MMP26: variants seen among roughly 807,000 people sequenced by gnomAD.
MMP26 encodes the protein matrix metallopeptidase 26, also known as matrix metalloproteinase-26.
In MMP26, 33 loss-of-function variants were observed where a neutral mutation model predicts 31.0. The observed-to-expected ratio is 1.06, with a 90% CI of 0.81 to 1.42. The LOEUF is 1.42. Among genes scored for constraint, MMP26 ranks in the 40% most tolerant of loss-of-function variants. The pLI, the probability that MMP26 is intolerant of heterozygous loss-of-function variation, is 0.00. For synonymous variants in MMP26, 122 were observed against 114.9 expected (o/e 1.06, Z -0.40); for missense variants, 347 against 316.1 (o/e 1.10, Z -0.74).
At chr11:4,805,719 C>T (rs1849258355) in intron 2 of MMP26, among the ~76,000 whole-genome samples, 1 of 152,180 alleles carries the variant, frequency 6.6e-6, no homozygotes, top group African/African-American at 2.4e-5. Context: ...TCTAAATACC[C>T]AGACAGAGCC....
Position 4,991,465 on chromosome 11 carries a change from C to T in MMP26, c.564C>T (p.Asp188=). The change falls in exon 6 of 8, where the codon GAC becomes GAT. Residue 188 remains aspartate (D), a synonymous_variant. Transcript: ENST00000380390. ...NSGNPGVVHF[D]KNEHWSASDT... ...GAAATCCTGGAGTTGTCCATTTTGACAAGAATGAACACTGGTCAGCTTCAG... is the reference window on the plus strand; with the variant it reads ...GAAATCCTGGAGTTGTCCATTTTGATAAGAATGAACACTGGTCAGCTTCAG... 1 of 1,613,938 alleles carries T rather than the reference C, an allele frequency of 6.2e-7. No homozygotes were observed. The highest frequency in any genetic ancestry group is 8.5e-7 in the Non-Finnish European group (1 of 1,179,858).
chr11:4,976,687 A>G (rs1251375921), intron 2 of MMP26, among the ~76,000 whole-genome samples: 2 of 152,046 alleles, frequency 1.3e-5, no homozygotes, highest in African/African-American at 4.8e-5. Context: ...AGAGGGATTA[A>G]AAAGCCCACA....
At chr11:4,982,085 C>T (rs549056057) in intron 2 of MMP26, among the ~76,000 whole-genome samples, 2 of 151,388 alleles carry the variant, frequency 1.3e-5, no homozygotes, top group South Asian at 2.1e-4. Flanking sequence ...TATATACACA[C>T]AATATACATA....
At chr11:4,934,352 T>G (rs1469775484) in intron 2 of MMP26, among the ~76,000 whole-genome samples, 1 of 133,094 alleles carries the variant, frequency 7.5e-6, no homozygotes, top group East Asian at 2.1e-4. Context: ...TCATGTGTTT[T>G]TTGGCTGCAT....
intron 2 of MMP26, among the ~76,000 whole-genome samples, chr11:4,897,479 G>A (rs1332582641): frequency 6.6e-6 from 1 of 151,920 alleles, no homozygotes; most frequent in Non-Finnish European, 1.5e-5. Flanking sequence ...TTTGTAATTG[G>A]GGTCATACTA....
rs529244561 is a variant in MMP26, at chr11:4,858,189, C to G, written c.-145+90848C>G. ...ACAAGACAGGGATGCCCTCTCACACCACTCCTATTCAACATAGTATTGGAA... is the reference window on the plus strand; with the variant it reads ...ACAAGACAGGGATGCCCTCTCACACGACTCCTATTCAACATAGTATTGGAA... On this transcript the variant is annotated intron_variant, in intron 2 of 7. Coordinates refer to ENST00000380390, the MANE Select transcript of MMP26 (RefSeq NM_021801.5). Among the ~76,000 whole-genome samples, 5 of 152,210 alleles carry G rather than the reference C, an allele frequency of 3.3e-5. No individual in the cohort carries two copies. In the East Asian group the frequency reaches 9.7e-4, roughly 29 times the overall value.
At chr11:4,734,451 T>C (rs1458982541) in intron 1 of MMP26, among the ~76,000 whole-genome samples, 3 of 152,124 alleles carry the variant, frequency 2.0e-5, no homozygotes, top group Admixed American at 2.0e-4. Context: ...TTCTTCCTTT[T>C]TTTCCTCAAT....
At chr11:4,897,833 T>A (rs7940525) in intron 2 of MMP26, among the ~76,000 whole-genome samples, 4,957 of 151,470 alleles carry the variant, frequency 0.033, 271 homozygotes, top group African/African-American at 0.11. Flanking sequence ...AGTACATGTT[T>A]CTACCTGTGT....
chr11:4,727,564 G>C (rs4506643), intron 1 of MMP26, among the ~76,000 whole-genome samples: 98,316 of 151,790 alleles, frequency 0.65, 33,450 homozygotes, highest in African/African-American at 0.87. Context: ...TATCCCAGCA[G>C]TTTGGAAGGC....
intron 2 of MMP26, among the ~76,000 whole-genome samples, chr11:4,837,831 T>C (rs1280762644): frequency 6.6e-6 from 1 of 152,074 alleles, no homozygotes. Flanking sequence ...AGTTTTCTGC[T>C]ACCCTAATTT....
intron 2 of MMP26, among the ~76,000 whole-genome samples, chr11:4,824,001 C>A (rs1849548009): frequency 6.6e-6 from 1 of 151,922 alleles, no homozygotes. Context: ...ATATAAGAGT[C>A]CTTAAAGAGT....
At chr11:4,851,531 C>A (rs961933790) in intron 2 of MMP26, among the ~76,000 whole-genome samples, 15 of 152,046 alleles carry the variant, frequency 9.9e-5, no homozygotes, top group African/African-American at 3.6e-4. Context: ...ACTCTATACA[C>A]GTTTTAGTTA....
intron 2 of MMP26, among the ~76,000 whole-genome samples, chr11:4,851,033 T>C (rs530606055): frequency 6.6e-6 from 1 of 151,976 alleles, no homozygotes; most frequent in African/African-American, 2.4e-5. Context: ...TGTGATGGAG[T>C]GAGGAGGCTA....
At chr11:4,983,387 T>C (rs1846842386) in intron 2 of MMP26, among the ~76,000 whole-genome samples, 1 of 152,236 alleles carries the variant, frequency 6.6e-6, no homozygotes, top group Admixed American at 6.5e-5. Flanking sequence ...CCAGAAGAGC[T>C]GCCAGTGTCA....
At chr11:4,935,448 G>C (rs915460962) in intron 2 of MMP26, among the ~76,000 whole-genome samples, 2 of 151,540 alleles carry the variant, frequency 1.3e-5, no homozygotes, top group South Asian at 2.1e-4. Context: ...CTTTGCTGAA[G>C]TTGCTTATCA....
intron 2 of MMP26, among the ~76,000 whole-genome samples, chr11:4,905,598 C>T (rs1028616301): frequency 6.6e-6 from 1 of 152,084 alleles, no homozygotes. Context: ...TTGTCTTCTT[C>T]TCTCTAGCCT....
intron 2 of MMP26, among the ~76,000 whole-genome samples, chr11:4,870,173 T>C (rs1236628009): frequency 6.6e-6 from 1 of 152,164 alleles, no homozygotes; most frequent in Non-Finnish European, 1.5e-5. Flanking sequence ...TATACATATG[T>C]AACAAACCTG....
At chr11:4,814,623 G>C (rs943826773) in intron 2 of MMP26, among the ~76,000 whole-genome samples, 2 of 152,148 alleles carry the variant, frequency 1.3e-5, no homozygotes, top group Non-Finnish European at 2.9e-5. Context: ...CTACAAACCA[G>C]GTTGTGTTCC....
At chr11:4,957,816 C>T (rs1846464981) in intron 2 of MMP26, among the ~76,000 whole-genome samples, 2 of 151,912 alleles carry the variant, frequency 1.3e-5, no homozygotes, top group South Asian at 4.2e-4. Flanking sequence ...GTAGCTGGGA[C>T]TACAGGTGTG....
Sources: gnomAD v4.1 joint callset for allele counts (sites outside exome capture counted in the v4.1 genomes callset) on GRCh38, gnomAD v4.1.1 for gene constraint, MANE v1.5 for transcripts, NCBI Gene and HGNC (gene_info 2026-07-23, HGNC 2026-07-21) for gene names.